Variants in FHIT observed in about 807,000 individuals in gnomAD.
FHIT encodes fragile histidine triad diadenosine triphosphatase.
A neutral mutation model predicts 17.9 loss-of-function variants in FHIT; 19 were observed. The observed-to-expected ratio is 1.06, with a 90% confidence interval of 0.74 to 1.56. The LOEUF is 1.56. FHIT is among the 40% of genes most tolerant of loss of function. The pLI is 0.00. For synonymous variants in FHIT, 81 were observed against 69.7 expected (o/e 1.16, Z -0.81); for missense variants, 248 against 189.2 (o/e 1.31, Z -1.82).
At position 60,367,518 on chromosome 3, in the gene FHIT, C is replaced by T. The variant is rs191197259; in HGVS notation, c.103+169342G>A. 7.6e-4 allele frequency among the ~76,000 whole-genome samples: 115 copies of T among 152,268 alleles called. 1 individual carries two copies. Among genetic ancestry groups the T allele is most frequent in the African/African-American group, 2.6e-3 (109 of 41,568 alleles). ...GGAAGTGGGAAAATCTCAAACTAAA[C>T]CCTCTCAGATTATGTTCTTACTCAA... On this transcript the variant is annotated intron_variant, in intron 5 of 9. Coordinates refer to ENST00000492590, the MANE Select transcript of FHIT (RefSeq NM_002012.4).
intron 2 of FHIT, among the ~76,000 whole-genome samples, chr3:61,099,686 T>C (rs1175800172): frequency 2.6e-5 from 4 of 152,204 alleles, no homozygotes; most frequent in African/African-American, 7.2e-5. Flanking sequence ...TTCTAGATTT[T>C]CTAGCTTATC....
intron 5 of FHIT, among the ~76,000 whole-genome samples, chr3:60,346,202 G>C (rs1164554010): frequency 6.6e-6 from 1 of 152,166 alleles, no homozygotes; most frequent in Non-Finnish European, 1.5e-5. Flanking sequence ...TTTATTATTA[G>C]AGAGGCTAGT....
At chr3:60,725,899 C>T (rs1553709414) in intron 4 of FHIT, among the ~76,000 whole-genome samples, 1 of 152,068 alleles carries the variant, frequency 6.6e-6, no homozygotes, top group Non-Finnish European at 1.5e-5. Context: ...TCATTATCTT[C>T]ATTTTACAGA....
At position 61,022,739 on chromosome 3, in the gene FHIT, A is replaced by G. The variant is rs530682565; in HGVS notation, c.-111+19308T>C. Among the ~76,000 whole-genome samples the G allele has an allele frequency of 5.3e-5, 8 of 152,364 alleles. No homozygotes were observed. In the South Asian group the frequency reaches 1.7e-3, roughly 32 times the overall value. On this transcript the variant is annotated intron_variant, in intron 3 of 9. Coordinates refer to ENST00000492590, the MANE Select transcript of FHIT (RefSeq NM_002012.4). Reference sequence around the variant, plus strand: ...CCTCACATAAACAGAACCAATGACAAAAACCACATGATTAACTCAATAGAT... The same window carrying G: ...CCTCACATAAACAGAACCAATGACAGAAACCACATGATTAACTCAATAGAT...
chr3:60,473,847 C>A (rs565441122), intron 5 of FHIT, among the ~76,000 whole-genome samples: 1 of 151,748 alleles, frequency 6.6e-6, no homozygotes, highest in African/African-American at 2.4e-5. Context: ...TACTTGAACC[C>A]GGGAGGAGGA....
chr3:60,020,895 T>C (rs1238030260), intron 5 of FHIT, among the ~76,000 whole-genome samples: 1 of 152,170 alleles, frequency 6.6e-6, no homozygotes, highest in Non-Finnish European at 1.5e-5. Context: ...GATTTTCATA[T>C]CAGAAAGGCA....
In FHIT at chr3:60,634,714, A is replaced by T. The variant is rs557401963; in HGVS notation, c.-17-97735T>A. ...TGTGATAAATGAGAAAGAGGAGAAG[A>T]AGTTTGGGAGAATACCTCTCTGTGT... On this transcript the variant is annotated intron_variant, in intron 4 of 9. Transcript: ENST00000492590. Among the ~76,000 whole-genome samples, 34 of 152,322 alleles carry T rather than the reference A, an allele frequency of 2.2e-4. No homozygotes were observed. The South Asian group carries it at 3.7e-3, about 17-fold the overall frequency.
At chr3:59,911,757 A>C (rs2107142483) in intron 8 of FHIT, among the ~76,000 whole-genome samples, 1 of 152,330 alleles carries the variant, frequency 6.6e-6, no homozygotes, top group East Asian at 1.9e-4. Flanking sequence ...GCAGTGCCCA[A>C]GAAGTGGGGA....
chr3:60,106,898 TC>T, intron 5 of FHIT, among the ~76,000 whole-genome samples: 1 of 152,162 alleles, frequency 6.6e-6, no homozygotes. Flanking sequence ...TAATTTGGCA[TC>T]CCTTAGAAAT....
chr3:60,147,695 C>T (rs1257209276), intron 5 of FHIT, among the ~76,000 whole-genome samples: 2 of 152,028 alleles, frequency 1.3e-5, no homozygotes, highest in Non-Finnish European at 2.9e-5. Context: ...AATTTTTTTC[C>T]CCCTAAGAAT....
intron 4 of FHIT, among the ~76,000 whole-genome samples, chr3:60,761,670 G>T (rs1699663616): frequency 7.0e-6 from 1 of 142,342 alleles, no homozygotes; most frequent in African/African-American, 2.6e-5. Flanking sequence ...CAATGCTACA[G>T]ATGTCTCTCT....
chr3:59,800,586 C>A (rs111781993), intron 8 of FHIT, among the ~76,000 whole-genome samples: 2 of 152,252 alleles, frequency 1.3e-5, no homozygotes, highest in East Asian at 3.9e-4. Flanking sequence ...AAAGGACCAC[C>A]GTCTAACAGC....
At chr3:59,975,354 C>G (rs577696849) in intron 7 of FHIT, among the ~76,000 whole-genome samples, 2 of 152,084 alleles carry the variant, frequency 1.3e-5, no homozygotes, top group East Asian at 3.9e-4. Flanking sequence ...GTGGCTACCT[C>G]TAAAAGGGAG....
chr3:60,939,850 T>A (rs1353342436), intron 3 of FHIT, among the ~76,000 whole-genome samples: 1 of 152,146 alleles, frequency 6.6e-6, no homozygotes, highest in African/African-American at 2.4e-5. Context: ...TTAGAAACAT[T>A]AAAAGAAATT....
chr3:60,296,673 T>C (rs1317800506), intron 5 of FHIT, among the ~76,000 whole-genome samples: 1 of 152,054 alleles, frequency 6.6e-6, no homozygotes, highest in Admixed American at 6.6e-5. Flanking sequence ...AACTAATCAA[T>C]TTTTCCTTTT....
rs549684780 is a variant in FHIT, at chr3:60,003,723, C to A, written c.279+7648G>T. Reference sequence around the variant, plus strand: ...TCACACCACTGCACTTCAGCCTGGGCAACAAAGCGAGACTCTGTCTCAAAA... The same window carrying A: ...TCACACCACTGCACTTCAGCCTGGGAAACAAAGCGAGACTCTGTCTCAAAA... On this transcript the variant is annotated intron_variant, in intron 7 of 9. Coordinates refer to ENST00000492590, the MANE Select transcript of FHIT (RefSeq NM_002012.4). 2.6e-5 allele frequency among the ~76,000 whole-genome samples: 4 copies of A among 152,110 alleles called. No homozygotes were observed. The East Asian group carries it at 5.8e-4, about 22-fold the overall frequency.
At chr3:60,140,445 T>C (rs1450010310) in intron 5 of FHIT, among the ~76,000 whole-genome samples, 1 of 152,086 alleles carries the variant, frequency 6.6e-6, no homozygotes, top group South Asian at 2.1e-4. Flanking sequence ...AAAGTTGCTC[T>C]CTTATGCTGA....
chr3:60,418,420 A>G (rs1255835463), intron 5 of FHIT, among the ~76,000 whole-genome samples: 7,107 of 36,684 alleles, frequency 0.19, 810 homozygotes, highest in Non-Finnish European at 0.28. Flanking sequence ...ATATATATAT[A>G]TATATACGTG....
intron 4 of FHIT, among the ~76,000 whole-genome samples, chr3:60,813,407 G>A (rs143600288): frequency 4.6e-5 from 7 of 152,050 alleles, no homozygotes; most frequent in Admixed American, 2.0e-4. Context: ...GTATGGTAAA[G>A]GCACCAACCA....
Sources: gnomAD v4.1 joint callset for allele counts (sites outside exome capture counted in the v4.1 genomes callset) on GRCh38, gnomAD v4.1.1 for gene constraint, MANE v1.5 for transcripts, NCBI Gene and HGNC (gene_info 2026-07-23, HGNC 2026-07-21) for gene names.